The following BNC2 variants were observed in gnomAD, a reference collection of about 807,000 sequenced individuals.
BNC2 encodes basonuclin zinc finger protein 2.
A neutral mutation model predicts 76.3 loss-of-function variants in BNC2; 20 were observed. The ratio of observed to expected loss-of-function variants is 0.26; its 90% CI spans 0.18 to 0.38. The LOEUF (loss-of-function observed/expected upper bound fraction) is 0.38. Among genes scored for constraint, BNC2 ranks in the 10% least tolerant of loss-of-function variants. The pLI, the probability that BNC2 is intolerant of heterozygous loss-of-function variation, is 1.00. For missense variants in BNC2, 1,382 were observed against 1,399.8 expected (o/e 0.99, Z 0.20); for synonymous variants, 582 against 514.8 (o/e 1.13, Z -1.77).
intron 3 of BNC2, chr9:16,704,606 G>C (rs1207920121): frequency 1.5e-5 from 2 of 131,172 alleles, no homozygotes; most frequent in East Asian, 4.6e-4. Context: ...AGTTTGTTTT[G>C]TTTTAAACTC....
At chr9:16,848,593 T>C (rs1321278980) in intron 1 of BNC2, among the ~76,000 whole-genome samples, 3 of 152,268 alleles carry the variant, frequency 2.0e-5, no homozygotes, top group South Asian at 2.1e-4. Context: ...ACTTTACACC[T>C]GAAAACAAGG....
In BNC2 at chr9:16,437,275, A is replaced by G. The variant is rs770610963; in HGVS notation, c.919T>C (p.Ser307Pro). 6.2e-7 allele frequency: 1 copy of G among 1,614,130 alleles called. No homozygotes were observed. Among genetic ancestry groups the G allele is most frequent in the Non-Finnish European group, 8.5e-7 (1 of 1,180,024 alleles). The change falls in exon 6 of 7, where the codon TCC becomes CCC. Residue 307 changes from serine (S) to proline (P), a missense_variant. Transcript: ENST00000380672. ...ATGTTTTCGAAGTGATGAATGCTGG[A>G]AGGATTGCTGTTCTCTAAGTGAGCA... ...LLAHLENSNPSSIHHFENIPN... is the reference protein window; with the variant it reads ...LLAHLENSNPPSIHHFENIPN...
chr9:16,532,177 G>A (rs142934912), intron 5 of BNC2, among the ~76,000 whole-genome samples: 56 of 150,676 alleles, frequency 3.7e-4, no homozygotes, highest in African/African-American at 1.1e-3. Context: ...TATAGGATCT[G>A]CTTATTATTC....
chr9:16,622,808 GGCTAAGGGAAAC>G (rs1406867171), intron 3 of BNC2, among the ~76,000 whole-genome samples: 1 of 151,970 alleles, frequency 6.6e-6, no homozygotes, highest in African/African-American at 2.4e-5. Context: ...AATTACAAAG[GGCTAAGGGAAAC>G]GCATGTAAAG....
chr9:16,469,179 A>T (rs1821763192), intron 5 of BNC2, among the ~76,000 whole-genome samples: 1 of 140,008 alleles, frequency 7.1e-6, no homozygotes. Context: ...TACAGCAATA[A>T]GCAGCTCAGA....
chr9:16,562,098 T>C (rs905071952), intron 4 of BNC2, among the ~76,000 whole-genome samples: 2 of 152,142 alleles, frequency 1.3e-5, no homozygotes, highest in African/African-American at 4.8e-5. Flanking sequence ...TCATACAGGA[T>C]TTAGGACTAT....
chr9:16,728,219 G>C, intron 2 of BNC2: 1 of 614,666 alleles, frequency 1.6e-6, no homozygotes. Flanking sequence ...ACAGCTGCCT[G>C]TCAGGTGTGC....
At chr9:16,769,340 CAG>C (rs1422753018) in intron 1 of BNC2, among the ~76,000 whole-genome samples, 10 of 152,152 alleles carry the variant, frequency 6.6e-5, no homozygotes, top group African/African-American at 2.2e-4. Flanking sequence ...TAATAAATAA[CAG>C]AGACATTATC....
chr9:16,503,954 ATAACCTT>A (rs1822573269), intron 5 of BNC2, among the ~76,000 whole-genome samples: 1 of 152,198 alleles, frequency 6.6e-6, no homozygotes, highest in African/African-American at 2.4e-5. Context: ...AGTAAGAAAA[ATAACCTT>A]GTAGTGAATC....
chr9:16,839,620 G>C (rs7862159), intron 1 of BNC2, among the ~76,000 whole-genome samples: 149,266 of 152,292 alleles, frequency 0.98, 73,224 homozygotes, highest in Middle Eastern at 1. Flanking sequence ...TCGGACCAAC[G>C]ATTTCATTCC....
intron 1 of BNC2, among the ~76,000 whole-genome samples, chr9:16,776,209 G>A (rs1020155382): frequency 7.5e-5 from 6 of 79,474 alleles, no homozygotes; most frequent in African/African-American, 5.7e-4. Flanking sequence ...GAACCATCTC[G>A]GGCTCACTGC....
chr9:16,425,768 A>T (rs1820793400), intron 6 of BNC2, among the ~76,000 whole-genome samples: 1 of 152,210 alleles, frequency 6.6e-6, no homozygotes, highest in Non-Finnish European at 1.5e-5. Context: ...TCGCATACTA[A>T]ATCTGGCCCT....
At chr9:16,715,212 T>A (rs1417681377) in intron 3 of BNC2, among the ~76,000 whole-genome samples, 2 of 152,254 alleles carry the variant, frequency 1.3e-5, no homozygotes, top group Non-Finnish European at 2.9e-5. Context: ...TTTATTATTT[T>A]AAAATCCTTA....
At chr9:16,698,309 C>T (rs189886153) in intron 3 of BNC2, among the ~76,000 whole-genome samples, 1 of 110,126 alleles carries the variant, frequency 9.1e-6, no homozygotes, top group South Asian at 2.6e-4. Context: ...CATATTTAAG[C>T]ACTACTGTTT....
rs184258744 is a variant in BNC2 at position 16,508,672 on chromosome 9, C to T, written c.669+43858G>A. 5.9e-5 allele frequency among the ~76,000 whole-genome samples: 9 copies of T among 152,262 alleles called. No homozygotes were observed. In the East Asian group the frequency reaches 1.7e-3, roughly 29 times the overall value. The stretch of plus-strand genomic sequence containing the variant: ...GTTCTTGGCTCTTTATGCCCAGAGG[C>T]CCAAATCCAAATTTTCATACACTAT... On this transcript the variant is annotated intron_variant, in intron 5 of 6. Coordinates refer to ENST00000380672, the MANE Select transcript of BNC2 (RefSeq NM_017637.6).
chr9:16,595,572 C>G (rs919827582), intron 3 of BNC2, among the ~76,000 whole-genome samples: 5 of 152,058 alleles, frequency 3.3e-5, no homozygotes, highest in African/African-American at 1.2e-4. Flanking sequence ...ACAATGTTAC[C>G]ATTTCTTCTA....
At chr9:16,753,224 T>C (rs1825273998) in intron 1 of BNC2, among the ~76,000 whole-genome samples, 1 of 152,176 alleles carries the variant, frequency 6.6e-6, no homozygotes, top group African/African-American at 2.4e-5. Flanking sequence ...GATTTTAGAG[T>C]ATATTTTATT....
chr9:16,700,167 A>T (rs138688609), intron 3 of BNC2, among the ~76,000 whole-genome samples: 1 of 152,134 alleles, frequency 6.6e-6, no homozygotes, highest in Non-Finnish European at 1.5e-5. Flanking sequence ...GTTAGACATA[A>T]AACTGTGACT....
At chr9:16,459,920 G>C (rs570148078) in intron 5 of BNC2, among the ~76,000 whole-genome samples, 1 of 152,184 alleles carries the variant, frequency 6.6e-6, no homozygotes. Context: ...AAACGGCTTT[G>C]AGAAAGAAAA....
Sources: allele counts gnomAD v4.1 joint callset (sites outside exome capture counted in the v4.1 genomes callset), GRCh38; gene constraint gnomAD v4.1.1; transcripts MANE v1.5; gene names NCBI Gene and HGNC (gene_info 2026-07-23, HGNC 2026-07-21).